Variants in LEPROTL1 observed in about 807,000 individuals in gnomAD.
LEPROTL1 encodes the protein leptin receptor overlapping transcript-like 1.
In LEPROTL1, 6 loss-of-function variants were observed where a neutral mutation model predicts 15.4. The observed-to-expected ratio is 0.39, with a 90% CI of 0.21 to 0.77. The LOEUF (loss-of-function observed/expected upper bound fraction) is 0.77. LEPROTL1 is among the 30% of genes least tolerant of loss of function. LEPROTL1 has a pLI of 0.41. For synonymous variants in LEPROTL1, 56 were observed against 52.6 expected (o/e 1.06, Z -0.28); for missense variants, 128 against 158.1 (o/e 0.81, Z 1.02).
chr8:30,098,388 C>T (rs976894505), intron 1 of LEPROTL1, among the ~76,000 whole-genome samples: 1 of 152,052 alleles, frequency 6.6e-6, no homozygotes, highest in African/African-American at 2.4e-5. Context: ...AATTGTGTCA[C>T]GAAAATGAGT....
chr8:30,113,303 T>C (rs1802682817), downstream of LEPROTL1, among the ~76,000 whole-genome samples: 2 of 151,638 alleles, frequency 1.3e-5, no homozygotes, highest in Non-Finnish European at 2.9e-5. Flanking sequence ...AACAGAGAAA[T>C]ACATGGGCAA....
intron 3 of LEPROTL1, among the ~76,000 whole-genome samples, chr8:30,124,465 A>G (rs550677517): frequency 4.2e-4 from 64 of 152,320 alleles, no homozygotes; most frequent in Middle Eastern, 3.4e-3. Flanking sequence ...TTTTAAAGCA[A>G]TCCAAGATTA....
At chr8:30,132,938 C>T (rs938246241) in intron 4 of LEPROTL1, 1 of 1,479,900 alleles carries the variant, frequency 6.8e-7, no homozygotes, top group Non-Finnish European at 9.0e-7. Context: ...AACATAAAAA[C>T]ACTCTGTATT....
In LEPROTL1 at chr8:30,107,592, G is replaced by A. The variant is rs1162815214; in HGVS notation, c.*1730G>A. Reference sequence around the variant, plus strand: ...ACTTTTAGATATGAGATGACGGGAAGCAGGACGAAATATCGGCGTGTGGCT... The same window carrying A: ...ACTTTTAGATATGAGATGACGGGAAACAGGACGAAATATCGGCGTGTGGCT... On this transcript the variant is annotated 3_prime_UTR_variant, in exon 4 of 4. Coordinates refer to ENST00000321250, the MANE Select transcript of LEPROTL1 (RefSeq NM_015344.3). 3.0e-6 allele frequency: 3 copies of A among 985,854 alleles called. No individual in the cohort carries two copies. The highest frequency in any genetic ancestry group is 5.2e-4 in the Middle Eastern group (1 of 1,914). 61.1% of individuals were successfully genotyped at this position (985,854 alleles called of 1,614,324 possible).
intron 2 of LEPROTL1, among the ~76,000 whole-genome samples, chr8:30,102,354 A>G (rs1802481877): frequency 1.3e-5 from 2 of 152,102 alleles, no homozygotes; most frequent in South Asian, 4.1e-4. Flanking sequence ...AGAGAGATGT[A>G]AACAATTACT....
intron 3 of LEPROTL1, among the ~76,000 whole-genome samples, chr8:30,105,421 G>A (rs1802546795): frequency 6.6e-6 from 1 of 151,958 alleles, no homozygotes; most frequent in African/African-American, 2.4e-5. Context: ...TAGCCCAGAA[G>A]TCAAGCTTGT....
chr8:30,112,795 T>C (rs1802675034), downstream of LEPROTL1, among the ~76,000 whole-genome samples: 1 of 152,002 alleles, frequency 6.6e-6, no homozygotes, highest in Admixed American at 6.5e-5. Context: ...CACAGAGAGC[T>C]CACATAGATA....
At chr8:30,104,669 G>T in intron 3 of LEPROTL1, 183 bp downstream of exon 3, 1 of 424,212 alleles carries the variant, frequency 2.4e-6, no homozygotes, top group Non-Finnish European at 4.1e-6. Flanking sequence ...GGAGAACGTG[G>T]CTTGGATCTG....
intron 3 of LEPROTL1, among the ~76,000 whole-genome samples, chr8:30,105,256 A>G (rs1161890511): frequency 2.0e-5 from 3 of 152,264 alleles, no homozygotes; most frequent in South Asian, 2.1e-4. Flanking sequence ...GGAGAAGGCA[A>G]TTGTTTTCCC....
rs888887422 is a variant in LEPROTL1 at position 30,102,668 on chromosome 8, AT to A, written c.92+698del. Reference sequence around the variant, plus strand: ...CTCTGTTTCCAAAAAAAAAAAAAAAATTTCTTTCCTTAGGATAGAAAGAACT... The same window carrying A: ...CTCTGTTTCCAAAAAAAAAAAAAAAATTCTTTCCTTAGGATAGAAAGAACT... On this transcript the variant is annotated intron_variant, in intron 2 of 3. Coordinates refer to ENST00000321250, the MANE Select transcript of LEPROTL1 (RefSeq NM_015344.3). Among the ~76,000 whole-genome samples the A allele has an allele frequency of 5.9e-5, 9 of 151,928 alleles. No individual in the cohort carries two copies. In the East Asian group the frequency reaches 9.7e-4, roughly 16 times the overall value.
At chr8:30,137,557 G>A in exon 5 of LEPROTL1, 3 of 1,243,162 alleles carry the variant, frequency 2.4e-6, no homozygotes, top group Non-Finnish European at 2.3e-6. Flanking sequence ...TGGCAGTGAT[G>A]ATTAGTCACA....
chr8:30,137,821 C>A, downstream of LEPROTL1: 3 of 309,702 alleles, frequency 9.7e-6, no homozygotes, highest in Non-Finnish European at 1.2e-5. Flanking sequence ...ACAAATTAGC[C>A]GAAAGATTAG....
At chr8:30,097,373 A>T (rs981868850) in intron 1 of LEPROTL1, among the ~76,000 whole-genome samples, 5 of 152,042 alleles carry the variant, frequency 3.3e-5, no homozygotes, top group Non-Finnish European at 7.4e-5. Flanking sequence ...TGAATATTTA[A>T]AAAAAATTTA....
intron 3 of LEPROTL1, among the ~76,000 whole-genome samples, chr8:30,129,432 C>T (rs913266319): frequency 7.9e-5 from 12 of 151,934 alleles, no homozygotes; most frequent in African/African-American, 2.7e-4. Context: ...AGGCCGGGAG[C>T]GTTGACTCAC....
intron 3 of LEPROTL1, among the ~76,000 whole-genome samples, chr8:30,129,651 G>A (rs555460261): frequency 1.3e-4 from 20 of 151,430 alleles, no homozygotes; most frequent in South Asian, 8.4e-4. Context: ...GTTGCAATGA[G>A]CTGAGATCAC....
intron 1 of LEPROTL1, among the ~76,000 whole-genome samples, chr8:30,099,993 T>A (rs1055330571): frequency 6.6e-6 from 1 of 152,212 alleles, no homozygotes; most frequent in Non-Finnish European, 1.5e-5. Flanking sequence ...AATGGTAAAT[T>A]CAGTGTTTTC....
At position 30,101,902 on chromosome 8, in the gene LEPROTL1, G is replaced by C; in HGVS notation, c.21G>C (p.Leu7Phe). 6.3e-7 allele frequency: 1 copy of C among 1,598,612 alleles called. No individual in the cohort carries two copies. The highest frequency in any genetic ancestry group is 8.6e-7 in the Non-Finnish European group (1 of 1,169,190). The change falls in exon 2 of 4, where the codon TTG becomes TTC. Residue 7 changes from leucine (L) to phenylalanine (F), a missense_variant. Transcript: ENST00000321250. MAGIKALISLSFGGAIG... is the reference protein window; with the variant it reads MAGIKAFISLSFGGAIG... ...CACTTTTTATTTGCTTTGCAGCTTTGATTAGTTTGTCCTTTGGAGGAGCAA... is the reference window on the plus strand; with the variant it reads ...CACTTTTTATTTGCTTTGCAGCTTTCATTAGTTTGTCCTTTGGAGGAGCAA...
chr8:30,118,410 A>G (rs1175136487), intron 3 of LEPROTL1, among the ~76,000 whole-genome samples: 1 of 152,224 alleles, frequency 6.6e-6, no homozygotes, highest in Non-Finnish European at 1.5e-5. Flanking sequence ...CAGGGCTGCA[A>G]TAATAAAGTA....
intron 3 of LEPROTL1, among the ~76,000 whole-genome samples, chr8:30,126,315 A>G (rs1802905386): frequency 6.6e-6 from 1 of 152,164 alleles, no homozygotes; most frequent in African/African-American, 2.4e-5. Context: ...TAGCCTAACA[A>G]TGCATCTTTC....
Sources: allele counts gnomAD v4.1 joint callset (sites outside exome capture counted in the v4.1 genomes callset), GRCh38; gene constraint gnomAD v4.1.1; transcripts MANE v1.5; gene names NCBI Gene and HGNC (gene_info 2026-07-23, HGNC 2026-07-21).